IL1RL2: variants seen among roughly 807,000 people sequenced by gnomAD.
IL1RL2 encodes interleukin-1 receptor-like 2.
Under a neutral mutation model 66.8 loss-of-function variants are expected in IL1RL2, and 68 were observed. The observed-to-expected ratio is 1.02, with a 90% confidence interval of 0.84 to 1.25. The LOEUF (loss-of-function observed/expected upper bound fraction) is 1.25. Ranked by LOEUF, IL1RL2 falls within the 50% of genes most tolerant of loss-of-function variation. The pLI, the probability that IL1RL2 is intolerant of heterozygous loss-of-function variation, is 0.00. For missense variants in IL1RL2, 729 were observed against 709.3 expected (o/e 1.03, Z -0.32); for synonymous variants, 305 against 264.6 (o/e 1.15, Z -1.48).
chr2:102,187,491 C>A, intron 1 of IL1RL2: 2 of 761,084 alleles, frequency 2.6e-6, no homozygotes, highest in Non-Finnish European at 3.6e-6. Flanking sequence ...GGAACCCAGG[C>A]CGCAGGCTGC....
chr2:102,241,440 T>C (rs1210558888), downstream of IL1RL2, among the ~76,000 whole-genome samples: 1 of 152,206 alleles, frequency 6.6e-6, no homozygotes, highest in Non-Finnish European at 1.5e-5. Flanking sequence ...AAAAACCCTG[T>C]GCCCCAGTTT....
chr2:102,214,076 A>G (rs1689405699), intron 6 of IL1RL2, among the ~76,000 whole-genome samples: 1 of 152,202 alleles, frequency 6.6e-6, no homozygotes, highest in Admixed American at 6.5e-5. Flanking sequence ...ATAAAGGATA[A>G]TTGTCTACAC....
At chr2:102,188,579 C>G (rs1686928920) in intron 2 of IL1RL2, among the ~76,000 whole-genome samples, 1 of 66,054 alleles carries the variant, frequency 1.5e-5, no homozygotes, top group Non-Finnish European at 3.0e-5. Context: ...CAGAGAGAGA[C>G]TCCGTCTCAA....
At chr2:102,218,786 C>T (rs1689836791) in intron 6 of IL1RL2, among the ~76,000 whole-genome samples, 167 bp from the exon 7 acceptor site, 1 of 152,160 alleles carries the variant, frequency 6.6e-6, no homozygotes, top group Admixed American at 6.5e-5. Flanking sequence ...CTTGTGGTCT[C>T]TCTCCAGGGA....
At chr2:102,234,047 T>A (rs1674607995) in intron 10 of IL1RL2, among the ~76,000 whole-genome samples, 1 of 152,126 alleles carries the variant, frequency 6.6e-6, no homozygotes, top group South Asian at 2.1e-4. Flanking sequence ...GTAGACTGAA[T>A]AGCATCTGCA....
chr2:102,187,879 G>A lies in IL1RL2; in HGVS notation c.12G>A (p.Leu4=), dbSNP rs1392632739. 6.2e-7 allele frequency: 1 copy of A among 1,606,922 alleles called. No individual in the cohort carries two copies. The highest frequency in any genetic ancestry group is 2.2e-5 in the East Asian group (1 of 44,482). ...AGCCCGGTTTGGGGATGTGGTCCTT[G>A]CTGCTCTGCGGGTTGTCCATCGCCC... is the stretch of plus-strand genomic sequence containing the variant. MWS[L]LLCGLSIALP... The change falls in exon 2 of 12, where the codon TTG becomes TTA. Residue 4 remains leucine (L), a synonymous_variant. Coordinates refer to ENST00000264257, the MANE Select transcript of IL1RL2 (RefSeq NM_003854.4).
intron 5 of IL1RL2, among the ~76,000 whole-genome samples, chr2:102,208,464 C>T (rs1403904194): frequency 6.6e-6 from 1 of 152,242 alleles, no homozygotes; most frequent in African/African-American, 2.4e-5. Flanking sequence ...ACAAGGAGTT[C>T]CTGCTGTGGT....
At chr2:102,190,671 C>T (rs1371326742) in intron 3 of IL1RL2, among the ~76,000 whole-genome samples, 1 of 152,178 alleles carries the variant, frequency 6.6e-6, no homozygotes, top group Non-Finnish European at 1.5e-5. Context: ...GCTAATAAAC[C>T]GCTCAGGGCA....
intron 5 of IL1RL2, among the ~76,000 whole-genome samples, chr2:102,208,217 T>C (rs1444434667): frequency 6.6e-6 from 1 of 152,266 alleles, no homozygotes; most frequent in Non-Finnish European, 1.5e-5. Flanking sequence ...TTGGTTCTTA[T>C]GAAGGTGTTT....
At chr2:102,237,322 C>A (rs35894223) in intron 11 of IL1RL2, among the ~76,000 whole-genome samples, 1 of 152,186 alleles carries the variant, frequency 6.6e-6, no homozygotes, top group Non-Finnish European at 1.5e-5. Flanking sequence ...CTTACTGCCC[C>A]GGGGTTAGTC....
rs149213603 is a variant in IL1RL2 at position 102,219,970 on chromosome 2, T to A, written c.944T>A (p.Met315Lys). ...VKMEDYGLPFMCHAGVSTAYI... is the reference protein window; with the variant it reads ...VKMEDYGLPFKCHAGVSTAYI... ...ATGGAAGATTATGGCCTTCCTTTCA[T>A]GTGCCACGCTGGAGTGTCCACAGCA... Residue 315 changes from methionine to lysine, a missense_variant, in exon 8 of 12, where the codon ATG becomes AAG. Physicochemically the swap from Met to Lys is moderately conservative, Grantham distance 95 (BLOSUM62 -1). Coordinates refer to ENST00000264257, the MANE Select transcript of IL1RL2 (RefSeq NM_003854.4). 1 of 1,614,008 alleles carries A rather than the reference T, an allele frequency of 6.2e-7. No homozygotes were observed. The highest frequency in any genetic ancestry group is 8.5e-7 in the Non-Finnish European group (1 of 1,179,914).
intron 8 of IL1RL2, among the ~76,000 whole-genome samples, chr2:102,222,148 GTA>G (rs1690199231): frequency 6.6e-6 from 1 of 152,132 alleles, no homozygotes; most frequent in Non-Finnish European, 1.5e-5. Flanking sequence ...GAAGTATATA[GTA>G]TGCTTTATTT....
chr2:102,233,335 G>A (rs890798675), intron 10 of IL1RL2, among the ~76,000 whole-genome samples: 3 of 152,022 alleles, frequency 2.0e-5, no homozygotes, highest in East Asian at 1.9e-4. Context: ...TCCCTGCCCC[G>A]CAGTGCCTGA....
rs1291201486 is a variant in IL1RL2, at chr2:102,187,053, C to T, written c.-46C>T. 7.8e-7 allele frequency: 1 copy of T among 1,289,884 alleles called. No individual in the cohort carries two copies. Among genetic ancestry groups the T allele is most frequent in the Non-Finnish European group, 1.0e-6 (1 of 988,876 alleles). The allele number at this position is 1,289,884 out of a possible 1,614,324, so 79.9% of individuals were successfully genotyped here. Reference sequence around the variant, plus strand: ...TGTCCCTGTCATATTTTCCACTCTCCACGAGGTCCTGCGCGCTTCAATCCT... The same window carrying T: ...TGTCCCTGTCATATTTTCCACTCTCTACGAGGTCCTGCGCGCTTCAATCCT... On this transcript the variant is annotated 5_prime_UTR_variant, in exon 1 of 12. Coordinates refer to ENST00000264257, the MANE Select transcript of IL1RL2 (RefSeq NM_003854.4).
intron 9 of IL1RL2, among the ~76,000 whole-genome samples, chr2:102,227,857 C>G (rs983244336): frequency 6.6e-6 from 1 of 152,090 alleles, no homozygotes; most frequent in Admixed American, 6.5e-5. Context: ...TGAGTCATTG[C>G]GACTCCCAGG....
At chr2:102,231,471 T>C (rs748345248) in intron 9 of IL1RL2, among the ~76,000 whole-genome samples, 4 of 151,880 alleles carry the variant, frequency 2.6e-5, no homozygotes, top group Non-Finnish European at 5.9e-5. Context: ...GCACTCCAGC[T>C]TGAGAGACAT....
Position 102,215,618 on chromosome 2 carries a change from C to T in IL1RL2, c.725-3335C>T, listed in dbSNP as rs35567979. Among the ~76,000 whole-genome samples, 385 of 152,164 alleles carry T rather than the reference C, an allele frequency of 2.5e-3. 3 individuals are homozygous for T. The highest frequency in any genetic ancestry group is 8.4e-3 in the African/African-American group (348 of 41,510). The stretch of plus-strand genomic sequence containing the variant: ...GCCCTGCACCTGGCAAGACGACACC[C>T]CTTTTCCATTGGACCTACTGTGTGT... On this transcript the variant is annotated intron_variant, in intron 6 of 11. Coordinates refer to ENST00000264257, the MANE Select transcript of IL1RL2 (RefSeq NM_003854.4).
chr2:102,232,923 G>T (rs201793927), intron 9 of IL1RL2, 40 bp from the exon 10 acceptor site: 1,125 of 1,583,722 alleles, frequency 7.1e-4, no homozygotes, highest in Middle Eastern at 1.0e-3. Context: ...GAGAGAATTT[G>T]GTAGCAACAA....
intron 9 of IL1RL2, among the ~76,000 whole-genome samples, chr2:102,226,294 AG>A (rs1216373255): frequency 2.0e-5 from 3 of 152,212 alleles, no homozygotes; most frequent in African/African-American, 7.2e-5. Context: ...TCATCTTCTA[AG>A]TCCTGCTGCA....
Sources: gnomAD v4.1 joint callset for allele counts (sites outside exome capture counted in the v4.1 genomes callset) on GRCh38, gnomAD v4.1.1 for gene constraint, MANE v1.5 for transcripts, NCBI Gene and HGNC (gene_info 2026-07-23, HGNC 2026-07-21) for gene names.